Variants in CCDC14 observed in about 807,000 individuals in gnomAD.
CCDC14 encodes coiled-coil domain-containing protein 14.
CCDC14 carries 71 observed loss-of-function variants against 81.4 expected under a neutral mutation model. The observed-to-expected ratio is 0.87, with a 90% CI of 0.72 to 1.06. CCDC14 has a LOEUF of 1.06. CCDC14 is among the 50% of genes least tolerant of loss of function. The probability of loss-of-function intolerance (pLI) is 0.00; values close to 1 mark genes in which losing one functional copy is unlikely to be tolerated. For synonymous variants in CCDC14, 332 were observed against 364.8 expected, an observed-to-expected ratio of 0.91 and a Z score of 1.03; for missense variants, 1,046 against 1,047.3, an observed-to-expected ratio of 1.00 and a Z score of 0.02.
rs777312264 is a variant in CCDC14 at position 123,948,687 on chromosome 3, G to A, written c.684+4C>T. On this transcript the variant is annotated splice_donor_region_variant and intron_variant, in intron 7 of 12. Coordinates refer to ENST00000409697, the MANE Select transcript of CCDC14 (RefSeq NM_001366335.1). ...TACTTATGTAGTATAAGAACTGTACGCACAGAATGAACCTTTGGAGGGCAG... is the reference window on the plus strand; with the variant it reads ...TACTTATGTAGTATAAGAACTGTACACACAGAATGAACCTTTGGAGGGCAG... 25 of 1,591,808 alleles carry A rather than the reference G, an allele frequency of 1.6e-5. No individual in the cohort carries two copies. The highest frequency in any genetic ancestry group is 2.7e-5 in the African/African-American group (2 of 73,800).
downstream of CCDC14, among the ~76,000 whole-genome samples, chr3:123,912,449 C>T (rs1487478778): frequency 3.9e-5 from 6 of 152,172 alleles, no homozygotes; most frequent in Admixed American, 6.5e-5. Flanking sequence ...TTTTAGACAT[C>T]GCTCAGTGTG....
intron 7 of CCDC14, 49 bp from the exon 8 acceptor site, chr3:123,947,368 A>G: frequency 1.4e-6 from 2 of 1,388,730 alleles, no homozygotes; most frequent in Non-Finnish European, 2.0e-6. Context: ...ACTCATTTGT[A>G]GGTATTAATT....
chr3:123,908,017 A>G lies in CCDC14; in HGVS notation c.668-10404T>C, dbSNP rs183221956. Among the ~76,000 whole-genome samples, 9 of 152,214 alleles carry G rather than the reference A, an allele frequency of 5.9e-5. 1 individual carries two copies. In the East Asian group the frequency reaches 1.7e-3, roughly 29 times the overall value. Reference sequence around the variant, plus strand: ...AACCAGTGTAAATTATTTAATTTAAATGTGAGGGTAAAAGAAAAATGTTCA... The same window carrying G: ...AACCAGTGTAAATTATTTAATTTAAGTGTGAGGGTAAAAGAAAAATGTTCA... On this transcript the variant is annotated intron_variant, in intron 5 of 5. Coordinates refer to the CCDC14 transcript ENST00000479903.
intron 10 of CCDC14, 154 bp downstream of exon 10, chr3:123,933,519 T>G: frequency 1.7e-6 from 1 of 587,262 alleles, no homozygotes; most frequent in East Asian, 2.9e-5. Context: ...CAAAAAAAGG[T>G]GTATATTATT....
intron 9 of CCDC14, among the ~76,000 whole-genome samples, chr3:123,936,806 T>C (rs967357383): frequency 6.6e-6 from 1 of 152,056 alleles, no homozygotes; most frequent in African/African-American, 2.4e-5. Flanking sequence ...CGTGTTTACC[T>C]ATGTAACAAA....
chr3:123,919,917 T>A (rs1364774836), intron 12 of CCDC14, among the ~76,000 whole-genome samples: 1 of 152,086 alleles, frequency 6.6e-6, no homozygotes, highest in Admixed American at 6.6e-5. Flanking sequence ...GCACCAATAA[T>A]GGACTCTAAA....
At position 123,914,379 on chromosome 3, in the gene CCDC14, GA is replaced by G. The variant is rs1332545394; in HGVS notation, c.*399del. On this transcript the variant is annotated 3_prime_UTR_variant, in exon 13 of 13. Coordinates refer to ENST00000409697, the MANE Select transcript of CCDC14 (RefSeq NM_001366335.1). ...TATTAAAAAAAAGTATATGTAAACAGAAAAAAAAAACCCTCTAGTTTCAACA... is the reference window on the plus strand; with the variant it reads ...TATTAAAAAAAAGTATATGTAAACAGAAAAAAAAACCCTCTAGTTTCAACA... 4.2e-5 allele frequency: 38 copies of G among 913,972 alleles called. No individual in the cohort carries two copies. The highest frequency in any genetic ancestry group is 1.2e-4 in the East Asian group (1 of 8,098). The allele number at this position is 913,972 out of a possible 1,614,324, so 56.6% of individuals were successfully genotyped here.
intron 5 of CCDC14, 38 bp downstream of exon 5, chr3:123,955,805 A>G: frequency 6.9e-7 from 1 of 1,441,262 alleles, no homozygotes; most frequent in South Asian, 1.4e-5. Context: ...CCCACAATTA[A>G]GGATTATCTT....
intron 5 of CCDC14, 73 bp from the exon 6 acceptor site, chr3:123,949,205 G>T (rs780109860): frequency 1.7e-5 from 15 of 907,678 alleles, no homozygotes; most frequent in Non-Finnish European, 2.2e-5. Flanking sequence ...TTTAAGAGAA[G>T]AAAGGGCTCT....
chr3:123,934,051 T>C (rs2035906607), intron 9 of CCDC14, among the ~76,000 whole-genome samples: 1 of 152,070 alleles, frequency 6.6e-6, no homozygotes, highest in Non-Finnish European at 1.5e-5. Flanking sequence ...GGTGGGCGGA[T>C]CACCTGAGGT....
intron 8 of CCDC14, among the ~76,000 whole-genome samples, chr3:123,946,333 T>A (rs1043296289): frequency 2.0e-5 from 3 of 152,088 alleles, no homozygotes; most frequent in Non-Finnish European, 4.4e-5. Flanking sequence ...AAAAATACAC[T>A]GAAAAGGGCA....
chr3:123,946,697 C>T, intron 8 of CCDC14, 106 bp downstream of exon 8: 2 of 1,133,930 alleles, frequency 1.8e-6, no homozygotes, highest in Non-Finnish European at 2.5e-6. Context: ...GCTCAAAACA[C>T]AGTTCTATGG....
At chr3:123,905,165 C>A (rs58318014) in intron 5 of CCDC14, among the ~76,000 whole-genome samples, 2,959 of 152,142 alleles carry the variant, frequency 0.019, 84 homozygotes, top group African/African-American at 0.067. Context: ...AAGTGACAGA[C>A]AAGTTAATAA....
intron 9 of CCDC14, among the ~76,000 whole-genome samples, chr3:123,937,773 C>G (rs950334448): frequency 2.0e-5 from 3 of 151,792 alleles, no homozygotes; most frequent in Non-Finnish European, 4.4e-5. Flanking sequence ...CGTTTCCTTT[C>G]AGAGGTTTTG....
rs1211781826 is a variant in CCDC14, at chr3:123,913,504, T to C, written c.*1275A>G. ...CTATTACCTCCAAATAAGATGCCAA[T>C]AAATTAATTCATGAATACTAAATAA... On this transcript the variant is annotated 3_prime_UTR_variant, in exon 13 of 13. Coordinates refer to ENST00000409697, the MANE Select transcript of CCDC14 (RefSeq NM_001366335.1). The C allele has an allele frequency of 3.1e-6, 3 of 980,788 alleles. No homozygotes were observed. The highest frequency in any genetic ancestry group is 3.6e-6 in the Non-Finnish European group (3 of 825,930). The allele number at this position is 980,788 out of a possible 1,614,324, so 60.8% of individuals were successfully genotyped here.
chr3:123,956,373 A>G lies in CCDC14; in HGVS notation c.141T>C (p.His47=). Residue 47 remains histidine (H), a synonymous_variant, in exon 3 of 13, where the codon CAT becomes CAC. Coordinates refer to ENST00000409697, the MANE Select transcript of CCDC14 (RefSeq NM_001366335.1). ...ATCTTACCTGACTTTCTGAATCAGAATGGATGGAATAGCCAGAATCTGCAT... is the reference window on the plus strand; with the variant it reads ...ATCTTACCTGACTTTCTGAATCAGAGTGGATGGAATAGCCAGAATCTGCAT... ...RFNADSGYSI[H]SDSESQAETV... is the part of the protein sequence containing the mutation. 6.5e-7 allele frequency: 1 copy of G among 1,546,586 alleles called. No homozygotes were observed. The highest frequency in any genetic ancestry group is 8.7e-7 in the Non-Finnish European group (1 of 1,144,332).
At position 123,915,088 on chromosome 3, in the gene CCDC14, C is replaced by T; in HGVS notation, c.2409G>A (p.Met803Ile). The T allele has an allele frequency of 6.2e-7, 1 of 1,613,996 alleles. No individual in the cohort carries two copies. The highest frequency in any genetic ancestry group is 8.5e-7 in the Non-Finnish European group (1 of 1,179,892). ...TTTTCTTGAGGAGCTGTGTGTCCTT[C>T]ATATCAGATGCTCTGGAAAGTTTTT... ...APEKLSRASD[M>I]KDTQLLKKIK... is the part of the protein sequence containing the mutation. The change falls in exon 13 of 13, where the codon ATG becomes ATA. Residue 803 changes from methionine to isoleucine, a missense_variant. By Grantham distance (10) the Met-to-Ile change is conservative. Transcript: ENST00000409697.
chr3:123,956,865 A>G lies in CCDC14; in HGVS notation c.31-70T>C, dbSNP rs145569976. 2.7e-4 allele frequency: 270 copies of G among 995,828 alleles called. No individual in the cohort carries two copies. In the African/African-American group the frequency reaches 3.6e-3, roughly 13 times the overall value. 61.7% of individuals were successfully genotyped at this position (995,828 alleles called of 1,614,324 possible). On this transcript the variant is annotated intron_variant, in intron 1 of 12. Transcript: ENST00000409697. Reference sequence around the variant, plus strand: ...TATATTTTCAATATGCTATCTTGACAAAATTTAATGTCATTTTTTTCTTTT... The same window carrying G: ...TATATTTTCAATATGCTATCTTGACGAAATTTAATGTCATTTTTTTCTTTT...
At chr3:123,917,260 G>A (rs2034761128) in intron 12 of CCDC14, among the ~76,000 whole-genome samples, 1 of 151,634 alleles carries the variant, frequency 6.6e-6, no homozygotes, top group Non-Finnish European at 1.5e-5. Context: ...TTGGGAGGCT[G>A]TGGCAGGCAG....
Sources: gnomAD v4.1 joint callset for allele counts (sites outside exome capture counted in the v4.1 genomes callset) on GRCh38, gnomAD v4.1.1 for gene constraint, MANE v1.5 for transcripts, NCBI Gene and HGNC (gene_info 2026-07-23, HGNC 2026-07-21) for gene names.